Variants in HYDIN observed in about 807,000 individuals in gnomAD.
HYDIN encodes axonemal central pair apparatus protein HYDIN.
In HYDIN, 132 loss-of-function variants were observed where a neutral mutation model predicts 403.9. The observed-to-expected ratio is 0.33, with a 90% CI of 0.28 to 0.38. The LOEUF is 0.38. HYDIN is among the 10% of genes least tolerant of loss of function. The probability of loss-of-function intolerance (pLI) is 1.00; values close to 1 mark genes in which losing one functional copy is unlikely to be tolerated. For missense variants in HYDIN, 2,827 were observed against 5,009.5 expected (o/e 0.56, Z 13.15); for synonymous variants, 1,202 against 1,891.7 (o/e 0.64, Z 9.46).
intron 8 of HYDIN, chr16:71,132,522 C>G (rs901459993): frequency 9.0e-5 from 5 of 55,578 alleles, no homozygotes; most frequent in African/African-American, 3.0e-4. Flanking sequence ...AAGATAGACA[C>G]AGTAACATAT....
chr16:71,037,879 C>CCTT (rs2081147323), intron 18 of HYDIN, among the ~76,000 whole-genome samples: 1 of 152,230 alleles, frequency 6.6e-6, no homozygotes, highest in African/African-American at 2.4e-5. Context: ...TGGCTGGACC[C>CCTT]CTTACCCACG....
intron 78 of HYDIN, among the ~76,000 whole-genome samples, chr16:70,834,784 A>G (rs1262455624): frequency 6.6e-6 from 1 of 151,246 alleles, no homozygotes; most frequent in East Asian, 2.0e-4. Flanking sequence ...GGAGGTGGAG[A>G]TTGCAGTGAG....
At chr16:70,835,026 G>GTT (rs1244589779) in intron 78 of HYDIN, among the ~76,000 whole-genome samples, 5 of 106,860 alleles carry the variant, frequency 4.7e-5, no homozygotes, top group African/African-American at 6.8e-5. Flanking sequence ...ATATATATAT[G>GTT]TTTTTTTTTT....
In HYDIN at chr16:71,137,307, T is replaced by G. The variant is rs1371720247; in HGVS notation, c.887A>C (p.Asn296Thr). ...VSLYGAAIDM[N>T]IRLDKNSLTI... ...CAAGGAATTCTTATCCAGCCTTATA[T>G]TCATGTCTATGGCAGCTCCATAGAG... Residue 296 changes from asparagine (N) to threonine (T), a missense_variant, in exon 8 of 86, where the codon AAT becomes ACT. Coordinates refer to ENST00000393567, the MANE Select transcript of HYDIN (RefSeq NM_001270974.2). 1.5e-6 allele frequency: 1 copy of G among 653,334 alleles called. No individual in the cohort carries two copies. The highest frequency in any genetic ancestry group is 2.6e-5 in the Admixed American group (1 of 38,922). The allele number at this position is 653,334 out of a possible 1,614,324, so 40.5% of individuals were successfully genotyped here.
chr16:70,925,796 C>A (rs1211891508), intron 45 of HYDIN, among the ~76,000 whole-genome samples: 4 of 152,170 alleles, frequency 2.6e-5, no homozygotes, highest in African/African-American at 9.6e-5. Flanking sequence ...AAAAAGTGGG[C>A]GAAGGACATG....
intron 60 of HYDIN, among the ~76,000 whole-genome samples, chr16:70,880,121 T>A (rs1432636836): frequency 1.2e-5 from 1 of 83,652 alleles, no homozygotes; most frequent in Non-Finnish European, 2.1e-5. Flanking sequence ...TGCAGTGGCA[T>A]GATCATGGTT....
At chr16:71,075,157 G>A (rs1191963825) in intron 13 of HYDIN, among the ~76,000 whole-genome samples, 7 of 151,588 alleles carry the variant, frequency 4.6e-5, no homozygotes, top group Non-Finnish European at 1.0e-4. Context: ...CATGTCTCAG[G>A]TTTGGGAAAT....
At chr16:71,129,393 T>C (rs939330082) in intron 9 of HYDIN, among the ~76,000 whole-genome samples, 1 of 152,202 alleles carries the variant, frequency 6.6e-6, no homozygotes, top group Non-Finnish European at 1.5e-5. Flanking sequence ...TGAGAAGAAC[T>C]GCATAATCCC....
At chr16:70,879,524 C>T in intron 61 of HYDIN, 38 bp from the exon 62 acceptor site, 1 of 1,609,474 alleles carries the variant, frequency 6.2e-7, no homozygotes, top group Non-Finnish European at 8.5e-7. Flanking sequence ...GTCAGCCTGG[C>T]ATGGTGGGAA....
At chr16:70,831,523 A>C (rs2036988399) in intron 80 of HYDIN, among the ~76,000 whole-genome samples, 7 of 146,668 alleles carry the variant, frequency 4.8e-5, no homozygotes, top group African/African-American at 1.6e-4. Context: ...AAAAAAAAAA[A>C]AAAACCAAAA....
At chr16:71,002,608 C>T (rs181195360) in intron 23 of HYDIN, among the ~76,000 whole-genome samples, 1 of 151,774 alleles carries the variant, frequency 6.6e-6, no homozygotes, top group East Asian at 1.9e-4. Context: ...AAGCATTACC[C>T]TACATTTTCT....
chr16:70,991,472 C>T, intron 24 of HYDIN, 76 bp from the exon 25 acceptor site: 1 of 1,578,518 alleles, frequency 6.3e-7, no homozygotes, highest in Non-Finnish European at 8.6e-7. Context: ...CATAACAGCC[C>T]TGTCTTCCTC....
chr16:70,882,578 C>T, intron 60 of HYDIN, 82 bp downstream of exon 60: 1 of 720,952 alleles, frequency 1.4e-6, no homozygotes, highest in Non-Finnish European at 2.5e-6. Flanking sequence ...CGCATACAGG[C>T]TCCAGAGCAG....
At chr16:70,838,201 T>TC (rs2037569073) in intron 76 of HYDIN, among the ~76,000 whole-genome samples, 1 of 151,990 alleles carries the variant, frequency 6.6e-6, no homozygotes, top group African/African-American at 2.4e-5. Context: ...TTTCTTTCTT[T>TC]TTTTTTGGAG....
intron 3 of HYDIN, among the ~76,000 whole-genome samples, chr16:71,183,071 C>T (rs771181219): frequency 5.9e-5 from 9 of 151,762 alleles, no homozygotes; most frequent in Admixed American, 1.3e-4. Flanking sequence ...ATAATGGGGG[C>T]AGAGGGAGAA....
intron 23 of HYDIN, among the ~76,000 whole-genome samples, chr16:71,003,195 G>A (rs1051087694): frequency 6.6e-6 from 1 of 151,962 alleles, no homozygotes; most frequent in Non-Finnish European, 1.5e-5. Flanking sequence ...TTACAATAAG[G>A]CTTGATATCT....
At chr16:70,849,329 G>A (rs373607163) in intron 75 of HYDIN, among the ~76,000 whole-genome samples, 9 of 151,738 alleles carry the variant, frequency 5.9e-5, no homozygotes, top group East Asian at 1.9e-4. Context: ...AGTTGATTTC[G>A]AAAATTTTTT....
chr16:71,214,260 C>T (rs1294223425), intron 1 of HYDIN, among the ~76,000 whole-genome samples: 1 of 151,742 alleles, frequency 6.6e-6, no homozygotes, highest in African/African-American at 2.4e-5. Flanking sequence ...AGAGATATAC[C>T]ACACTCATTG....
chr16:71,061,895 T>TGTGTCAGA (rs57776899), intron 17 of HYDIN, among the ~76,000 whole-genome samples: 1 of 143,146 alleles, frequency 7.0e-6, no homozygotes, highest in African/African-American at 2.6e-5. Flanking sequence ...TGTGTGTGTG[T>TGTGTCAGA]CAGAGAGAGA....
Sources: allele counts gnomAD v4.1 joint callset (sites outside exome capture counted in the v4.1 genomes callset), GRCh38; gene constraint gnomAD v4.1.1; transcripts MANE v1.5; gene names NCBI Gene and HGNC (gene_info 2026-07-23, HGNC 2026-07-21).